Variants in GPC5 observed in about 807,000 individuals in gnomAD.
The protein encoded by GPC5 is glypican 5, also known as glypican-5.
GPC5 carries 47 observed loss-of-function variants against 53.9 expected under a neutral mutation model. The observed-to-expected ratio is 0.87, with a 90% CI of 0.69 to 1.11. The LOEUF (loss-of-function observed/expected upper bound fraction) is 1.11, where lower values mean the gene tolerates loss of function less well. GPC5 is among the 50% of genes most tolerant of loss of function. The probability of loss-of-function intolerance (pLI) is 0.00; values close to 1 mark genes in which losing one functional copy is unlikely to be tolerated. For missense variants in GPC5, 748 were observed against 713.1 expected, an observed-to-expected ratio of 1.05 and a Z score of -0.56; for synonymous variants, 286 against 263.3, an observed-to-expected ratio of 1.09 and a Z score of -0.84.
chr13:91,424,876 A>C (rs182757168), intron 1 of GPC5, among the ~76,000 whole-genome samples: 2 of 152,334 alleles, frequency 1.3e-5, no homozygotes, highest in East Asian at 3.9e-4. Flanking sequence ...GTAAGAGAGT[A>C]AGTCAGGACA....
At chr13:92,788,479 G>A (rs1427259660) in intron 7 of GPC5, among the ~76,000 whole-genome samples, 5 of 152,076 alleles carry the variant, frequency 3.3e-5, no homozygotes, top group African/African-American at 1.2e-4. Context: ...AATCATCATA[G>A]AAATCACATA....
chr13:91,621,384 G>C (rs544613183), intron 2 of GPC5, among the ~76,000 whole-genome samples: 2 of 152,208 alleles, frequency 1.3e-5, no homozygotes, highest in South Asian at 2.1e-4. Flanking sequence ...CTCGACACTA[G>C]ATGATGTGGG....
Position 92,433,380 on chromosome 13 carries a change from C to A in GPC5, c.1561+288391C>A, listed in dbSNP as rs532480553. 3.3e-5 allele frequency among the ~76,000 whole-genome samples: 5 copies of A among 152,098 alleles called. No homozygotes were observed. In the East Asian group the frequency reaches 7.7e-4, roughly 24 times the overall value. On this transcript the variant is annotated intron_variant, in intron 7 of 7. Transcript: ENST00000377067. ...GTAAAGTTATCACCTATGAGTGGAA[C>A]GGTGGGGTAGCATCAATAGGTTGAA...
intron 2 of GPC5, among the ~76,000 whole-genome samples, chr13:91,623,104 G>A (rs2033905935): frequency 6.6e-6 from 1 of 152,078 alleles, no homozygotes; most frequent in African/African-American, 2.4e-5. Flanking sequence ...GTATCTGCCT[G>A]TCATCTATCT....
At chr13:92,369,257 C>T (rs11843082) in intron 7 of GPC5, among the ~76,000 whole-genome samples, 4,162 of 152,262 alleles carry the variant, frequency 0.027, 192 homozygotes, top group African/African-American at 0.096. Context: ...GATTTCAGTT[C>T]ACTGCACCCT....
chr13:91,557,253 T>A (rs1398001056), intron 2 of GPC5, among the ~76,000 whole-genome samples: 4 of 152,170 alleles, frequency 2.6e-5, no homozygotes, highest in African/African-American at 9.6e-5. Flanking sequence ...TTCTGAGAGT[T>A]GTGTACTGAT....
At chr13:92,703,917 G>T (rs945934326) in intron 7 of GPC5, among the ~76,000 whole-genome samples, 3 of 151,952 alleles carry the variant, frequency 2.0e-5, no homozygotes, top group African/African-American at 7.2e-5. Flanking sequence ...GAGCTTTAGA[G>T]ATCCTAGTTT....
intron 5 of GPC5, among the ~76,000 whole-genome samples, chr13:91,871,189 T>C (rs1357505159): frequency 6.6e-6 from 1 of 152,232 alleles, no homozygotes; most frequent in Admixed American, 6.5e-5. Flanking sequence ...TTTTCAATTT[T>C]AGATATTCTG....
chr13:92,040,133 C>T (rs1041555911), intron 6 of GPC5, among the ~76,000 whole-genome samples: 22 of 152,164 alleles, frequency 1.4e-4, no homozygotes, highest in Non-Finnish European at 2.4e-4. Flanking sequence ...CCTCAAATAA[C>T]ATCATTTTGT....
chr13:91,431,243 A>T (rs1214694371), intron 1 of GPC5, among the ~76,000 whole-genome samples: 2 of 152,132 alleles, frequency 1.3e-5, no homozygotes, highest in African/African-American at 4.8e-5. Context: ...TTGAGATGGG[A>T]CAGTTTTGAG....
intron 7 of GPC5, among the ~76,000 whole-genome samples, chr13:92,540,903 C>T (rs142938703): frequency 1.3e-5 from 2 of 151,900 alleles, no homozygotes; most frequent in African/African-American, 4.8e-5. Flanking sequence ...AGTGTTACCT[C>T]ATTGGGTGAA....
At chr13:91,654,145 ATTG>A (rs1311861254) in intron 2 of GPC5, among the ~76,000 whole-genome samples, 1 of 152,164 alleles carries the variant, frequency 6.6e-6, no homozygotes, top group East Asian at 1.9e-4. Context: ...TAACATGAAT[ATTG>A]TTGGATTCCT....
rs142247826 is a variant in GPC5, at chr13:92,340,004, CAT to C, written c.1561+195022_1561+195023del. Reference sequence around the variant, plus strand: ...TATCTGTACCTATGAACAAAAAAAACATATATATGAAAATGAGCACGTAGCTA... The same window carrying C: ...TATCTGTACCTATGAACAAAAAAAACATATATGAAAATGAGCACGTAGCTA... On this transcript the variant is annotated intron_variant, in intron 7 of 7. Transcript: ENST00000377067. 7.2e-3 allele frequency: 885 copies of C among 123,682 alleles called. 9 individuals are homozygous for C. The highest frequency in any genetic ancestry group is 0.024 in the African/African-American group (847 of 34,662). 7.7% of individuals were successfully genotyped at this position (123,682 alleles called of 1,614,324 possible). A position where few individuals can be genotyped will look rare whatever the true frequency, so the allele number is the denominator to read the frequency against.
intron 2 of GPC5, among the ~76,000 whole-genome samples, chr13:91,456,310 A>C (rs980004715): frequency 6.6e-6 from 1 of 151,930 alleles, no homozygotes; most frequent in Non-Finnish European, 1.5e-5. Context: ...TTTTAGTATT[A>C]GTTAAATTGA....
chr13:92,047,426 T>G (rs1464777944), intron 6 of GPC5, among the ~76,000 whole-genome samples: 1 of 87,394 alleles, frequency 1.1e-5, no homozygotes, highest in Non-Finnish European at 2.6e-5. Flanking sequence ...ACTTTCTTTT[T>G]AAACTATATA....
chr13:91,433,796 A>G (rs968553260), intron 1 of GPC5, among the ~76,000 whole-genome samples: 1 of 152,090 alleles, frequency 6.6e-6, no homozygotes, highest in African/African-American at 2.4e-5. Flanking sequence ...ACGATGGTTG[A>G]ACTAGTTTAT....
intron 6 of GPC5, among the ~76,000 whole-genome samples, chr13:92,025,681 C>CA: frequency 6.6e-6 from 1 of 152,172 alleles, no homozygotes; most frequent in East Asian, 1.9e-4. Context: ...GTCCATGAGA[C>CA]ACTTCCATCG....
At chr13:91,753,751 C>T (rs138867035) in intron 4 of GPC5, among the ~76,000 whole-genome samples, 12 of 152,128 alleles carry the variant, frequency 7.9e-5, no homozygotes, top group African/African-American at 2.4e-4. Flanking sequence ...GCATACTACC[C>T]GTATTTTCTT....
At position 92,673,330 on chromosome 13, in the gene GPC5, G is replaced by A. The variant is rs147588121; in HGVS notation, c.1562-192952G>A. Among the ~76,000 whole-genome samples the A allele has an allele frequency of 3.3e-5, 5 of 150,100 alleles. No homozygotes were observed. In the East Asian group the frequency reaches 9.8e-4, roughly 29 times the overall value. ...GGAATCTCGCTCTGTCGCCCAGGCT[G>A]GAGTGCAGTGGCATGATCTCGGCTC... is the stretch of plus-strand genomic sequence containing the variant. On this transcript the variant is annotated intron_variant, in intron 7 of 7. Transcript: ENST00000377067.
Sources: allele counts gnomAD v4.1 joint callset (sites outside exome capture counted in the v4.1 genomes callset), GRCh38; gene constraint gnomAD v4.1.1; transcripts MANE v1.5; gene names NCBI Gene and HGNC (gene_info 2026-07-23, HGNC 2026-07-21).